The following NCAM1 variants were observed in gnomAD, a reference collection of about 807,000 sequenced individuals.
NCAM1 encodes the protein antigen recognized by monoclonal antibody 5.1H11.
Under a neutral mutation model 109.8 loss-of-function variants are expected in NCAM1, and 14 were observed. The ratio of observed to expected loss-of-function variants is 0.13; its 90% confidence interval spans 0.08 to 0.20. The LOEUF (loss-of-function observed/expected upper bound fraction) is 0.20. Ranked by LOEUF, NCAM1 falls within the 10% of genes least tolerant of loss-of-function variation. NCAM1 has a pLI of 1.00. For missense variants in NCAM1, 774 were observed against 1,109.9 expected (o/e 0.70, Z 4.30); for synonymous variants, 418 against 442.9 (o/e 0.94, Z 0.70).
intron 8 of NCAM1, among the ~76,000 whole-genome samples, chr11:113,218,240 T>A (rs560024005): frequency 6.6e-6 from 1 of 152,270 alleles, no homozygotes; most frequent in South Asian, 2.1e-4. Context: ...CTGATAGAAA[T>A]GTTGACTAGA....
At chr11:113,225,045 C>T (rs928038406) in intron 9 of NCAM1, among the ~76,000 whole-genome samples, 19 of 152,210 alleles carry the variant, frequency 1.2e-4, no homozygotes, top group African/African-American at 1.9e-4. Context: ...TCCAAAGGAA[C>T]GCAGCTCCTC....
At chr11:113,219,614 C>T (rs2137072262) in intron 8 of NCAM1, among the ~76,000 whole-genome samples, 1 of 152,338 alleles carries the variant, frequency 6.6e-6, no homozygotes. Flanking sequence ...TATTTCCTAT[C>T]TTTCCACCAG....
intron 1 of NCAM1, among the ~76,000 whole-genome samples, chr11:113,064,555 T>G (rs1937858091): frequency 6.6e-6 from 1 of 152,228 alleles, no homozygotes; most frequent in Non-Finnish European, 1.5e-5. Flanking sequence ...CATGTTAGAT[T>G]CTGTTTTAAA....
intron 1 of NCAM1, among the ~76,000 whole-genome samples, chr11:113,181,561 A>G (rs1205267906): frequency 2.0e-5 from 3 of 152,126 alleles, no homozygotes; most frequent in African/African-American, 7.2e-5. Context: ...AGAATAGCTA[A>G]TGGATGCTGG....
intron 1 of NCAM1, among the ~76,000 whole-genome samples, chr11:113,090,270 C>T (rs1555089111): frequency 6.6e-6 from 1 of 152,158 alleles, no homozygotes; most frequent in Non-Finnish European, 1.5e-5. Context: ...ATGACTTTGT[C>T]TTGCATGAAT....
rs926356211 is a variant in NCAM1, at chr11:112,962,043, G to A, written c.52+379G>A. ...GGCGGGGGAGGTCGCGGCTCGGGTGGTGCCGCCGCACGGGCTCGGATTCCG... is the reference window on the plus strand; with the variant it reads ...GGCGGGGGAGGTCGCGGCTCGGGTGATGCCGCCGCACGGGCTCGGATTCCG... On this transcript the variant is annotated intron_variant, in intron 1 of 19. Transcript: ENST00000316851. The surrounding 1 kb of genome is among the most constrained non-coding windows in gnomAD (Gnocchi z 5.6). Among the ~76,000 whole-genome samples, 1 of 152,190 alleles carries A rather than the reference G, an allele frequency of 6.6e-6. No homozygotes were observed. Among genetic ancestry groups the A allele is most frequent in the Non-Finnish European group, 1.5e-5 (1 of 68,020 alleles).
intron 7 of NCAM1, among the ~76,000 whole-genome samples, chr11:113,209,224 C>G (rs1225419839): frequency 6.6e-6 from 1 of 152,142 alleles, no homozygotes; most frequent in Admixed American, 6.5e-5. Context: ...AGGGTTGGGA[C>G]CTGCTTATCC....
chr11:113,264,141 C>T, intron 17 of NCAM1: 2 of 985,188 alleles, frequency 2.0e-6, no homozygotes, highest in Non-Finnish European at 2.4e-6. Context: ...TAAAAACTCC[C>T]TCCCTCCCCC....
chr11:113,103,844 CT>C (rs781928828), intron 1 of NCAM1, among the ~76,000 whole-genome samples: 2 of 152,094 alleles, frequency 1.3e-5, no homozygotes, highest in Non-Finnish European at 2.9e-5. Context: ...TTCCAATAAA[CT>C]TTCATTTAGA....
chr11:113,062,372 T>C (rs1389717768), intron 1 of NCAM1, among the ~76,000 whole-genome samples: 3 of 152,154 alleles, frequency 2.0e-5, no homozygotes, highest in Non-Finnish European at 4.4e-5. Flanking sequence ...TGTCTGGCTT[T>C]TTTCAGCGAG....
intron 1 of NCAM1, among the ~76,000 whole-genome samples, chr11:113,010,803 A>G (rs1952026770): frequency 1.3e-5 from 2 of 152,220 alleles, no homozygotes; most frequent in African/African-American, 4.8e-5. Context: ...ACACATGAAA[A>G]GTTACATGAC....
At chr11:113,271,667 C>T (rs1030329057) in intron 18 of NCAM1, 93 bp from the exon 19 acceptor site, 20 of 867,420 alleles carry the variant, frequency 2.3e-5, no homozygotes, top group Admixed American at 5.6e-5. Flanking sequence ...GGATGCCCAC[C>T]GTGCCAGCCT....
chr11:113,181,197 G>A (rs1044310188), intron 1 of NCAM1, among the ~76,000 whole-genome samples: 1 of 152,174 alleles, frequency 6.6e-6, no homozygotes, highest in Non-Finnish European at 1.5e-5. Flanking sequence ...GATCTGGTCT[G>A]CAGCTGTGGT....
rs1938836288 is a variant in NCAM1, at chr11:113,081,854, A to G, written c.52+120190A>G. Reference sequence around the variant, plus strand: ...GTCTTTTCTTTTTTTCTTTTAAAGAAAATCTCATCTGGATTCTTTCTGTTA... The same window carrying G: ...GTCTTTTCTTTTTTTCTTTTAAAGAGAATCTCATCTGGATTCTTTCTGTTA... On this transcript the variant is annotated intron_variant, in intron 1 of 19. Coordinates refer to ENST00000316851, the MANE Select transcript of NCAM1 (RefSeq NM_181351.5). Among the ~76,000 whole-genome samples the G allele has an allele frequency of 2.0e-5, 3 of 152,188 alleles. 1 individual carries two copies. In the South Asian group the frequency reaches 6.2e-4, roughly 32 times the overall value.
intron 1 of NCAM1, among the ~76,000 whole-genome samples, chr11:112,989,650 T>C (rs1408584116): frequency 6.6e-6 from 1 of 152,190 alleles, no homozygotes; most frequent in East Asian, 1.9e-4. Flanking sequence ...GGAGCTTTAT[T>C]AGTTTCCTTT....
chr11:113,182,442 T>C (rs1186044010), intron 1 of NCAM1, among the ~76,000 whole-genome samples: 2 of 152,234 alleles, frequency 1.3e-5, no homozygotes, highest in African/African-American at 4.8e-5. Flanking sequence ...AATTAACAGC[T>C]GTCTAGAACG....
At chr11:113,209,313 C>A (rs904346438) in intron 7 of NCAM1, among the ~76,000 whole-genome samples, 10 of 152,148 alleles carry the variant, frequency 6.6e-5, no homozygotes, top group Non-Finnish European at 1.5e-4. Flanking sequence ...GCTAGTTATT[C>A]AGTAGTAAAC....
At chr11:113,156,206 A>G (rs1942403533) in intron 1 of NCAM1, among the ~76,000 whole-genome samples, 1 of 152,244 alleles carries the variant, frequency 6.6e-6, no homozygotes, top group African/African-American at 2.4e-5. Flanking sequence ...GTTGAGACTT[A>G]CTAAGAGGAA....
chr11:113,048,407 G>A (rs116576659), intron 1 of NCAM1, among the ~76,000 whole-genome samples: 235 of 152,222 alleles, frequency 1.5e-3, no homozygotes, highest in African/African-American at 5.2e-3. Context: ...CTAGTCCACC[G>A]TAGAATTCGT....
Sources: allele counts gnomAD v4.1 joint callset (sites outside exome capture counted in the v4.1 genomes callset), GRCh38; gene constraint gnomAD v4.1.1; non-coding constraint Gnocchi (gnomAD v3.1); transcripts MANE v1.5; gene names NCBI Gene and HGNC (gene_info 2026-07-23, HGNC 2026-07-21).